Variants in CHSY3 observed in about 807,000 individuals in gnomAD.
The protein encoded by CHSY3 is chondroitin sulfate synthase 3, also known as N-acetylgalactosaminyl-proteoglycan 3-beta-glucuronosyltransferase 3.
Under a neutral mutation model 67.2 loss-of-function variants are expected in CHSY3, and 35 were observed. The observed-to-expected ratio is 0.52, with a 90% confidence interval of 0.40 to 0.69. The LOEUF (loss-of-function observed/expected upper bound fraction) is 0.69, where lower values mean the gene tolerates loss of function less well. Among genes scored for constraint, CHSY3 ranks in the 30% least tolerant of loss-of-function variants. The pLI is 0.00. For synonymous variants in CHSY3, 474 were observed against 434.7 expected (o/e 1.09, Z -1.12); for missense variants, 1,069 against 1,138.5 (o/e 0.94, Z 0.88).
At chr5:130,098,769 C>A (rs1767134075) in intron 2 of CHSY3, among the ~76,000 whole-genome samples, 1 of 151,792 alleles carries the variant, frequency 6.6e-6, no homozygotes, top group Admixed American at 6.6e-5. Flanking sequence ...AGGTTCTTGA[C>A]CAAAGGGAAT....
At chr5:130,100,980 CAGTTGGG>C (rs1276217622) in intron 2 of CHSY3, among the ~76,000 whole-genome samples, 1 of 152,158 alleles carries the variant, frequency 6.6e-6, no homozygotes, top group Admixed American at 6.5e-5. Flanking sequence ...TAAGTTTCTC[CAGTTGGG>C]TCGCCCCAGA....
chr5:130,103,855 A>G (rs1345853528), intron 2 of CHSY3, among the ~76,000 whole-genome samples: 2 of 151,954 alleles, frequency 1.3e-5, no homozygotes, highest in East Asian at 3.8e-4. Flanking sequence ...TGCTTTACAC[A>G]TGCCTTGATA....
chr5:130,037,753 A>G (rs1764900512), intron 2 of CHSY3, among the ~76,000 whole-genome samples: 1 of 152,096 alleles, frequency 6.6e-6, no homozygotes, highest in African/African-American at 2.4e-5. Flanking sequence ...ATATTCCTCA[A>G]AGTGCCTAGT....
At chr5:130,094,045 C>A (rs1403638644) in intron 2 of CHSY3, among the ~76,000 whole-genome samples, 4 of 152,056 alleles carry the variant, frequency 2.6e-5, no homozygotes, top group African/African-American at 9.7e-5. Flanking sequence ...CTGCATGAGC[C>A]ATTTGTTGTC....
chr5:130,068,414 C>T (rs1441605823), intron 2 of CHSY3, among the ~76,000 whole-genome samples: 5 of 152,086 alleles, frequency 3.3e-5, no homozygotes, highest in African/African-American at 7.2e-5. Context: ...GTGCTGATTT[C>T]CTGTTTGTCA....
chr5:129,913,641 T>C (rs1192023824), intron 2 of CHSY3, among the ~76,000 whole-genome samples: 1 of 152,200 alleles, frequency 6.6e-6, no homozygotes, highest in East Asian at 1.9e-4. Flanking sequence ...CTTCTCCCTT[T>C]GAAGGAGTTT....
intron 2 of CHSY3, among the ~76,000 whole-genome samples, chr5:130,102,545 A>C (rs139802000): frequency 2.0e-5 from 3 of 152,008 alleles, no homozygotes; most frequent in African/African-American, 7.2e-5. Context: ...AGCAGTAACC[A>C]CATTTGCCTT....
chr5:130,105,353 A>G (rs560460955), intron 2 of CHSY3, among the ~76,000 whole-genome samples: 1 of 151,688 alleles, frequency 6.6e-6, no homozygotes, highest in Non-Finnish European at 1.5e-5. Flanking sequence ...GCTCCTAGGT[A>G]AGTAAAGATC....
chr5:129,965,180 A>G (rs1473976691), intron 2 of CHSY3, among the ~76,000 whole-genome samples: 2 of 151,884 alleles, frequency 1.3e-5, no homozygotes, highest in Non-Finnish European at 2.9e-5. Context: ...AAGAGCTCTG[A>G]AATGGGTGGT....
chr5:129,997,267 C>T (rs1763569144), intron 2 of CHSY3, among the ~76,000 whole-genome samples: 1 of 152,086 alleles, frequency 6.6e-6, no homozygotes, highest in African/African-American at 2.4e-5. Flanking sequence ...ACCAATATGA[C>T]ACCCACCTCT....
intron 2 of CHSY3, among the ~76,000 whole-genome samples, chr5:130,164,968 T>C (rs929082727): frequency 2.0e-5 from 3 of 151,910 alleles, no homozygotes; most frequent in African/African-American, 7.3e-5. Flanking sequence ...AAAAAAGACA[T>C]ATGCAAAGGC....
intron 2 of CHSY3, among the ~76,000 whole-genome samples, chr5:130,135,985 A>G (rs575696764): frequency 6.6e-6 from 1 of 152,306 alleles, no homozygotes; most frequent in East Asian, 1.9e-4. Flanking sequence ...GCATTATGCC[A>G]TGTGTTTAAA....
rs1770424639 is a variant in CHSY3 at position 130,186,423 on chromosome 5, A to C, written c.*632A>C. 6.6e-6 allele frequency: 1 copy of C among 151,236 alleles called. No individual in the cohort carries two copies. Among genetic ancestry groups the C allele is most frequent in the Non-Finnish European group, 1.5e-5 (1 of 68,020 alleles). The allele number at this position is 151,236 out of a possible 1,614,324, so 9.4% of individuals were successfully genotyped here. On this transcript the variant is annotated 3_prime_UTR_variant, in exon 3 of 3. Coordinates refer to ENST00000305031, the MANE Select transcript of CHSY3 (RefSeq NM_175856.5). ...AACCGGTACTGGCTACCCTGGTCTT[A>C]TGACAATTATGAGCTCCTCACAACT...
At chr5:130,009,297 A>G (rs1369496335) in intron 2 of CHSY3, among the ~76,000 whole-genome samples, 1 of 152,160 alleles carries the variant, frequency 6.6e-6, no homozygotes, top group Non-Finnish European at 1.5e-5. Context: ...GCCAGAAGAG[A>G]TTGGGAGCCT....
At position 130,184,805 on chromosome 5, in the gene CHSY3, G is replaced by A; in HGVS notation, c.1663G>A (p.Val555Met). The A allele has an allele frequency of 1.2e-6, 2 of 1,609,474 alleles. No homozygotes were observed. The highest frequency in any genetic ancestry group is 1.7e-6 in the Non-Finnish European group (2 of 1,175,744). ...YKRHKGRKLTVPVRRHAYLQQ... is the reference protein window; with the variant it reads ...YKRHKGRKLTMPVRRHAYLQQ... Reference sequence around the variant, plus strand: ...AAGACACAAGGGAAGGAAACTGACTGTGCCAGTGAGACGTCATGCCTATCT... The same window carrying A: ...AAGACACAAGGGAAGGAAACTGACTATGCCAGTGAGACGTCATGCCTATCT... The change falls in exon 3 of 3, where the codon GTG becomes ATG. Residue 555 changes from valine (V) to methionine (M), a missense_variant. Around this residue, in one of 5 missense-constraint regions of CHSY3, gnomAD observed 401 missense variants for 395.2 expected, o/e 1.01. Transcript: ENST00000305031.
At chr5:130,093,995 A>G (rs1044026533) in intron 2 of CHSY3, among the ~76,000 whole-genome samples, 2 of 152,174 alleles carry the variant, frequency 1.3e-5, no homozygotes, top group Admixed American at 1.3e-4. Flanking sequence ...AACAATAATA[A>G]CAAAATATCA....
chr5:130,057,204 G>A (rs1014756838), intron 2 of CHSY3, among the ~76,000 whole-genome samples: 3 of 151,728 alleles, frequency 2.0e-5, no homozygotes, highest in Admixed American at 6.6e-5. Flanking sequence ...GATTACAGGC[G>A]TGAGCCACCG....
intron 2 of CHSY3, among the ~76,000 whole-genome samples, chr5:130,123,049 T>C (rs888144459): frequency 3.4e-5 from 5 of 147,652 alleles, no homozygotes; most frequent in Non-Finnish European, 7.4e-5. Context: ...AATTAGGAGG[T>C]ATGACCCCTG....
At chr5:130,014,466 G>A (rs541633934) in intron 2 of CHSY3, among the ~76,000 whole-genome samples, 15 of 152,292 alleles carry the variant, frequency 9.8e-5, no homozygotes, top group Admixed American at 9.2e-4. Context: ...CCTCTTCACA[G>A]GACAGCAGGA....
Sources: gnomAD v4.1 joint callset for allele counts (sites outside exome capture counted in the v4.1 genomes callset) on GRCh38, gnomAD v4.1.1 for gene constraint, gnomAD v4.1.1 regional missense constraint, MANE v1.5 for transcripts, NCBI Gene and HGNC (gene_info 2026-07-23, HGNC 2026-07-21) for gene names.